RAF1: variants seen among roughly 807,000 people sequenced by gnomAD.
RAF1 encodes RAF proto-oncogene serine/threonine-protein kinase.
RAF1 carries 27 observed loss-of-function variants against 81.1 expected under a neutral mutation model. That is an observed-to-expected ratio of 0.33 (90% confidence interval 0.25 to 0.46). The LOEUF (loss-of-function observed/expected upper bound fraction) is 0.46. Among genes scored for constraint, RAF1 ranks in the 20% least tolerant of loss-of-function variants. RAF1 has a pLI of 1.00. For synonymous variants in RAF1, 298 were observed against 294.0 expected (o/e 1.01, Z -0.14); for missense variants, 598 against 826.0 (o/e 0.72, Z 3.38).
At chr3:12,620,541 G>A (rs1385574959) in intron 1 of RAF1, among the ~76,000 whole-genome samples, 1 of 152,188 alleles carries the variant, frequency 6.6e-6, no homozygotes, top group Non-Finnish European at 1.5e-5. Flanking sequence ...CATGATCACA[G>A]CTCACTGCAG....
chr3:12,652,750 C>T (rs531278687), intron 1 of RAF1, among the ~76,000 whole-genome samples: 70 of 151,746 alleles, frequency 4.6e-4, no homozygotes, highest in Non-Finnish European at 8.5e-4. Context: ...GAGGTTGAGA[C>T]CAGCCTGTCC....
intron 1 of RAF1, among the ~76,000 whole-genome samples, chr3:12,631,094 C>A (rs531462506): frequency 1.5e-3 from 227 of 152,016 alleles, no homozygotes; most frequent in Non-Finnish European, 2.5e-3. Context: ...TCAAGGTGGG[C>A]GGATGAGCCC....
intron 7 of RAF1, 68 bp downstream of exon 7, chr3:12,604,068 C>T (rs1260615738): frequency 1.3e-6 from 2 of 1,581,682 alleles, no homozygotes; most frequent in Non-Finnish European, 1.7e-6. Context: ...AAACCCAAAA[C>T]TCTGAAATAA....
At chr3:12,603,354 G>A (rs2125393407) in intron 8 of RAF1, 1 of 538,874 alleles carries the variant, frequency 1.9e-6, no homozygotes, top group Non-Finnish European at 3.3e-6. Flanking sequence ...AGAAAACATG[G>A]AAACAAGTGA....
chr3:12,646,761 G>T (rs893353676), intron 1 of RAF1, among the ~76,000 whole-genome samples: 1 of 151,768 alleles, frequency 6.6e-6, no homozygotes, highest in African/African-American at 2.4e-5. Context: ...ATGTTGGCCA[G>T]ACTTGTCTCA....
intron 1 of RAF1, among the ~76,000 whole-genome samples, chr3:12,622,248 C>A (rs893313785): frequency 1.3e-5 from 2 of 152,082 alleles, no homozygotes; most frequent in Non-Finnish European, 2.9e-5. Context: ...AAATAGATGA[C>A]GGAAGAGACA....
Position 12,598,725 on chromosome 3 carries a change from C to CAAA in RAF1, c.1168+963_1168+965dup, listed in dbSNP as rs59472802. On this transcript the variant is annotated intron_variant, in intron 11 of 17. Transcript: ENST00000442415. ...TGGGCAACAGAGCAAGAATCTATCT[C>CAAA]AAAAAAAAAAAAAAAAAAAAAAAAA... Among the ~76,000 whole-genome samples, 108 of 61,988 alleles carry CAAA rather than the reference C, an allele frequency of 1.7e-3. 4 individuals carry two copies. Among genetic ancestry groups the CAAA allele is most frequent in the East Asian group, 6.5e-3 (5 of 772 alleles). 40.7% of individuals were successfully genotyped at this position (61,988 alleles called of 152,430 possible). A position where few individuals can be genotyped will look rare whatever the true frequency, so the allele number is the denominator to read the frequency against.
chr3:12,585,684 CCA>C lies in RAF1; in HGVS notation c.1591_1592del (p.Trp531AspfsTer11). On this transcript the variant is annotated frameshift_variant, in exon 15 of 18. Transcript: ENST00000442415. LOFTEE classifies it high-confidence loss of function. ...TGGTGGGAGCCCAGATTCTCACCAT[CCA>C]GAGGACAGAGCCAGTAGGTTGTTCA... is the stretch of plus-strand genomic sequence containing the variant. 1 of 1,611,894 alleles carries C rather than the reference CCA, an allele frequency of 6.2e-7. No individual in the cohort carries two copies. The highest frequency in any genetic ancestry group is 8.5e-7 in the Non-Finnish European group (1 of 1,177,962).
intron 1 of RAF1, among the ~76,000 whole-genome samples, chr3:12,625,795 A>C (rs992716127): frequency 2.6e-5 from 4 of 152,174 alleles, no homozygotes; most frequent in African/African-American, 7.2e-5. Flanking sequence ...GAGCCACTGA[A>C]GTCCACCTGG....
chr3:12,662,112 A>C (rs2060897477), intron 1 of RAF1, among the ~76,000 whole-genome samples: 1 of 151,784 alleles, frequency 6.6e-6, no homozygotes, highest in African/African-American at 2.4e-5. Flanking sequence ...AAGCAGGAGG[A>C]TCGCCTGAGC....
At position 12,643,463 on chromosome 3, in the gene RAF1, G is replaced by A. The variant is rs146394101; in HGVS notation, c.-27+20350C>T. ...CTTGTTTAAAAATTAAAAAGAAGCC[G>A]GGTGCAGTGGCTCACACCTGTAATC... On this transcript the variant is annotated intron_variant, in intron 1 of 17. Transcript: ENST00000442415. Among the ~76,000 whole-genome samples, 14 of 152,186 alleles carry A rather than the reference G, an allele frequency of 9.2e-5. No individual in the cohort carries two copies. In the East Asian group the frequency reaches 2.3e-3, roughly 25 times the overall value.
chr3:12,639,905 T>C (rs1249085316), intron 1 of RAF1, among the ~76,000 whole-genome samples: 1 of 152,094 alleles, frequency 6.6e-6, no homozygotes, highest in Non-Finnish European at 1.5e-5. Flanking sequence ...GAGCCTGCAT[T>C]GCCAAGACAA....
intron 1 of RAF1, among the ~76,000 whole-genome samples, chr3:12,621,964 ATTAC>A (rs1386721373): frequency 6.6e-6 from 1 of 152,160 alleles, no homozygotes; most frequent in African/African-American, 2.4e-5. Flanking sequence ...TATTTTCTAC[ATTAC>A]TTACTTTTTG....
chr3:12,599,601 CT>C, intron 11 of RAF1, 89 bp downstream of exon 10: 1 of 914,946 alleles, frequency 1.1e-6, no homozygotes, highest in Non-Finnish European at 1.8e-6. Context: ...CCCAGGAGCA[CT>C]CAGTCCTCTC....
chr3:12,631,422 C>T (rs539673393), intron 1 of RAF1, among the ~76,000 whole-genome samples: 3 of 151,232 alleles, frequency 2.0e-5, no homozygotes, highest in Non-Finnish European at 4.4e-5. Context: ...CATGGTGAAA[C>T]CCTGTCTCTA....
intron 1 of RAF1, among the ~76,000 whole-genome samples, chr3:12,640,168 G>T (rs1019773511): frequency 6.6e-6 from 1 of 151,158 alleles, no homozygotes; most frequent in Non-Finnish European, 1.5e-5. Flanking sequence ...CTAGCCATAT[G>T]TAGAAACTGA....
At chr3:12,599,577 A>G in intron 11 of RAF1, 114 bp downstream of exon 10, 1 of 774,726 alleles carries the variant, frequency 1.3e-6, no homozygotes, top group East Asian at 2.5e-5. Flanking sequence ...TGTAAGGGAG[A>G]GTACTGCTAT....
chr3:12,647,408 C>G (rs1163111640), intron 1 of RAF1, among the ~76,000 whole-genome samples: 3 of 152,022 alleles, frequency 2.0e-5, no homozygotes, highest in African/African-American at 7.3e-5. Context: ...TGAGACCAGC[C>G]TGGACAACAT....
chr3:12,643,768 A>G (rs917980209), intron 1 of RAF1, among the ~76,000 whole-genome samples: 2 of 152,082 alleles, frequency 1.3e-5, no homozygotes, highest in Non-Finnish European at 2.9e-5. Flanking sequence ...AAAACAAAAA[A>G]GAAATCCAGT....
Sources: allele counts gnomAD v4.1 joint callset (sites outside exome capture counted in the v4.1 genomes callset), GRCh38; gene constraint gnomAD v4.1.1; transcripts MANE v1.5; gene names NCBI Gene and HGNC (gene_info 2026-07-23, HGNC 2026-07-21).